Variants in AK2 observed in about 807,000 individuals in gnomAD.
AK2 encodes the protein adenylate kinase 2, also known as adenylate kinase 2, mitochondrial.
A neutral mutation model predicts 24.6 loss-of-function variants in AK2; 15 were observed. The observed-to-expected ratio is 0.61, with a 90% CI of 0.41 to 0.94. The LOEUF is 0.94. Ranked by LOEUF, AK2 falls within the 40% of genes least tolerant of loss-of-function variation. AK2 has a pLI of 0.00. For synonymous variants in AK2, 102 were observed against 114.0 expected, an observed-to-expected ratio of 0.90 and a Z score of 0.67; for missense variants, 257 against 304.1, an observed-to-expected ratio of 0.85 and a Z score of 1.15.
rs765241887 is a variant in AK2 at position 33,011,399 on chromosome 1, T to C, written c.*1782A>G. The C allele has an allele frequency of 1.6e-6, 2 of 1,287,370 alleles. No individual in the cohort carries two copies. The highest frequency in any genetic ancestry group is 2.5e-5 in the South Asian group (2 of 80,930). The allele number at this position is 1,287,370 out of a possible 1,614,324, so 79.7% of individuals were successfully genotyped here. On this transcript the variant is annotated 3_prime_UTR_variant, in exon 6 of 6. Coordinates refer to ENST00000672715, the MANE Select transcript of AK2 (RefSeq NM_001625.4). ...AGTTTCCATTAAGAGTGGGTGGAGT[T>C]GGTTTAGAGCCAGGAAAACAAGGCA...
intron 1 of AK2, chr1:33,031,910 A>C (rs1640258836): frequency 3.7e-6 from 1 of 272,896 alleles, no homozygotes. Context: ...TTATTTAAAT[A>C]AAATAACAAA....
intron 4 of AK2, among the ~76,000 whole-genome samples, chr1:33,017,385 C>T (rs1639256423): frequency 6.6e-6 from 1 of 152,152 alleles, no homozygotes; most frequent in South Asian, 2.1e-4. Context: ...GAAATGGCAT[C>T]CACTGGGAGA....
intron 1 of AK2, chr1:33,029,340 G>C (rs899586453): frequency 6.6e-6 from 1 of 151,790 alleles, no homozygotes; most frequent in Non-Finnish European, 1.5e-5. Flanking sequence ...TCTGACCTGG[G>C]CCGATTTACC....
chr1:33,008,555 G>C lies in AK2; in HGVS notation c.*4626C>G, dbSNP rs748227866. ...CAGCCCTTCCTGTGTGCAGAGCTAC[G>C]CAAGTAATTAAATCACTTCAGCAAC... On this transcript the variant is annotated 3_prime_UTR_variant, in exon 6 of 6. Transcript: ENST00000672715. 3 of 454,052 alleles carry C rather than the reference G, an allele frequency of 6.6e-6. No homozygotes were observed. Among genetic ancestry groups the C allele is most frequent in the South Asian group, 1.6e-5 (1 of 64,476 alleles). 28.1% of individuals were successfully genotyped at this position (454,052 alleles called of 1,614,324 possible).
rs1638756361 is a variant in AK2 at position 33,010,599 on chromosome 1, T to G, written c.*2582A>C. On this transcript the variant is annotated 3_prime_UTR_variant, in exon 6 of 6. Coordinates refer to ENST00000672715, the MANE Select transcript of AK2 (RefSeq NM_001625.4). Reference sequence around the variant, plus strand: ...ACCCCCACCCTCCAAGCATGGTGTTTTTTAAAAAATTAATTTTTCCCTTAC... The same window carrying G: ...ACCCCCACCCTCCAAGCATGGTGTTGTTTAAAAAATTAATTTTTCCCTTAC... The G allele has an allele frequency of 8.4e-7, 1 of 1,194,768 alleles. No individual in the cohort carries two copies. Among genetic ancestry groups the G allele is most frequent in the Admixed American group, 2.0e-5 (1 of 50,328 alleles). 74.0% of individuals were successfully genotyped at this position (1,194,768 alleles called of 1,614,324 possible).
At chr1:33,021,101 G>A (rs1304265900) in intron 4 of AK2, among the ~76,000 whole-genome samples, 1 of 151,870 alleles carries the variant, frequency 6.6e-6, no homozygotes, top group East Asian at 1.9e-4. Flanking sequence ...AGCCGAGACT[G>A]CGCCACTGCA....
intron 1 of AK2, chr1:33,032,492 C>G (rs538906808): frequency 6.6e-6 from 1 of 152,162 alleles, no homozygotes; most frequent in African/African-American, 2.4e-5. Context: ...AACCATATCA[C>G]GGGGTAACGA....
intron 2 of AK2, among the ~76,000 whole-genome samples, chr1:33,023,600 T>G (rs182738302): frequency 1.6e-4 from 25 of 152,052 alleles, no homozygotes. Context: ...AATGCAATTA[T>G]CGTCCCCAGA....
At chr1:33,036,321 T>C (rs375377952) in intron 1 of AK2, among the ~76,000 whole-genome samples, 1 of 152,258 alleles carries the variant, frequency 6.6e-6, no homozygotes, top group Middle Eastern at 3.4e-3. Context: ...CGACCTCCAG[T>C]GCCTGGAATG....
Position 33,010,931 on chromosome 1 carries a change from T to C in AK2, c.*2250A>G. The C allele has an allele frequency of 1.3e-6, 2 of 1,588,388 alleles. No individual in the cohort carries two copies. The highest frequency in any genetic ancestry group is 1.7e-6 in the Non-Finnish European group (2 of 1,166,830). On this transcript the variant is annotated 3_prime_UTR_variant, in exon 6 of 6. Transcript: ENST00000672715. Reference sequence around the variant, plus strand: ...ATGTAAGCCCCAGCAACCAAATGCATTAAACACTGGACATTTCTGTGACAG... The same window carrying C: ...ATGTAAGCCCCAGCAACCAAATGCACTAAACACTGGACATTTCTGTGACAG...
intron 5 of AK2, 68 bp from the exon 6 acceptor site, chr1:33,013,470 G>A: frequency 6.4e-7 from 1 of 1,558,908 alleles, no homozygotes; most frequent in East Asian, 2.4e-5. Context: ...CATGCCAGAT[G>A]CAGATTTGAG....
rs1395394889 is a variant in AK2 at position 33,011,783 on chromosome 1, T to C, written c.*1398A>G. The C allele has an allele frequency of 1.4e-6, 2 of 1,450,782 alleles. No individual in the cohort carries two copies. Among genetic ancestry groups the C allele is most frequent in the Admixed American group, 4.1e-5 (2 of 48,504 alleles). The allele number at this position is 1,450,782 out of a possible 1,614,324, so 89.9% of individuals were successfully genotyped here. ...AGAAAATGCTCAATAGTTGGGAAGC[T>C]AAGGTTATGAATAAAAGCTGGTAAC... On this transcript the variant is annotated 3_prime_UTR_variant, in exon 6 of 6. Transcript: ENST00000672715.
chr1:33,024,735 T>C (rs961642209), intron 1 of AK2, among the ~76,000 whole-genome samples, 168 bp from the exon 2 acceptor site: 6 of 152,224 alleles, frequency 3.9e-5, no homozygotes, highest in African/African-American at 1.4e-4. Context: ...CATTCTAACA[T>C]ATACTGATTA....
intron 1 of AK2, 33 bp downstream of exon 1, chr1:33,036,703 G>T: frequency 6.5e-7 from 1 of 1,545,676 alleles, no homozygotes; most frequent in East Asian, 2.4e-5. Context: ...GAGTTCAGCA[G>T]GCTCCGCCGC....
At chr1:33,020,202 C>CACAT in intron 4 of AK2, 1 of 1,196,408 alleles carries the variant, frequency 8.4e-7, no homozygotes, top group Non-Finnish European at 1.2e-6. Context: ...CACACACACA[C>CACAT]ACACACACAC....
At chr1:33,013,834 G>T (rs1639004002) in intron 5 of AK2, among the ~76,000 whole-genome samples, 1 of 152,166 alleles carries the variant, frequency 6.6e-6, no homozygotes, top group South Asian at 2.1e-4. Flanking sequence ...ATTTACTAGA[G>T]TGTCACCCAT....
Position 33,011,345 on chromosome 1 carries a change from G to C in AK2, c.*1836C>G, listed in dbSNP as rs1401261000. ...CCTTGCCCATTCCCAGAAGTCATGT[G>C]CTTCCCAGAAACACACAAAGCCAGA... On this transcript the variant is annotated 3_prime_UTR_variant, in exon 6 of 6. Transcript: ENST00000672715. 12 of 1,287,932 alleles carry C rather than the reference G, an allele frequency of 9.3e-6. No homozygotes were observed. The Admixed American group carries it at 2.8e-4, about 30-fold the overall frequency. 79.8% of individuals were successfully genotyped at this position (1,287,932 alleles called of 1,614,324 possible). A position where few individuals can be genotyped will look rare whatever the true frequency, so the allele number is the denominator to read the frequency against.
At chr1:33,020,924 A>G (rs1489767481) in intron 4 of AK2, among the ~76,000 whole-genome samples, 1 of 151,898 alleles carries the variant, frequency 6.6e-6, no homozygotes, top group Non-Finnish European at 1.5e-5. Flanking sequence ...AGGCAGGCGG[A>G]TCACTTGAGG....
At position 33,008,715 on chromosome 1, in the gene AK2, C is replaced by T; in HGVS notation, c.*4466G>A. 2.2e-6 allele frequency: 1 copy of T among 454,074 alleles called. No individual in the cohort carries two copies. The highest frequency in any genetic ancestry group is 4.4e-6 in the Non-Finnish European group (1 of 226,786). The allele number at this position is 454,074 out of a possible 1,614,324, so 28.1% of individuals were successfully genotyped here. ...ATAAAAGTGAAGGACAGTTCTGACTCCACAGGGTGCTGTGTGAGGGTTACG... is the reference window on the plus strand; with the variant it reads ...ATAAAAGTGAAGGACAGTTCTGACTTCACAGGGTGCTGTGTGAGGGTTACG... On this transcript the variant is annotated 3_prime_UTR_variant, in exon 6 of 6. Coordinates refer to ENST00000672715, the MANE Select transcript of AK2 (RefSeq NM_001625.4).
Sources: allele counts gnomAD v4.1 joint callset (sites outside exome capture counted in the v4.1 genomes callset), GRCh38; gene constraint gnomAD v4.1.1; transcripts MANE v1.5; gene names NCBI Gene and HGNC (gene_info 2026-07-23, HGNC 2026-07-21).